The following NRG1 variants were observed in gnomAD, a reference collection of about 807,000 sequenced individuals.
The protein encoded by NRG1 is neuregulin 1.
NRG1 carries 18 observed loss-of-function variants against 63.8 expected under a neutral mutation model. The ratio of observed to expected loss-of-function variants is 0.28; its 90% confidence interval spans 0.19 to 0.42. NRG1 has a LOEUF of 0.42. NRG1 is among the 10% of genes least tolerant of loss of function. The probability of loss-of-function intolerance (pLI) is 1.00; values close to 1 mark genes in which losing one functional copy is unlikely to be tolerated. For synonymous variants in NRG1, 302 were observed against 301.3 expected (o/e 1.00, Z -0.02); for missense variants, 762 against 814.7 (o/e 0.94, Z 0.79).
intron 1 of NRG1, among the ~76,000 whole-genome samples, chr8:31,812,907 A>G (rs955611747): frequency 6.6e-6 from 1 of 152,230 alleles, no homozygotes; most frequent in African/African-American, 2.4e-5. Flanking sequence ...TTGAGAATCA[A>G]TAGAACCACA....
intron 5 of NRG1, among the ~76,000 whole-genome samples, chr8:32,657,585 T>C (rs1211031594): frequency 6.6e-6 from 1 of 152,176 alleles, no homozygotes; most frequent in African/African-American, 2.4e-5. Context: ...CTTTGCTAAG[T>C]AACAGGAAGT....
At chr8:31,940,089 C>A (rs2129620982) in intron 1 of NRG1, among the ~76,000 whole-genome samples, 1 of 152,186 alleles carries the variant, frequency 6.6e-6, no homozygotes, top group African/African-American at 2.4e-5. Flanking sequence ...CCAACAACTG[C>A]AGAGTATACA....
intron 1 of NRG1, among the ~76,000 whole-genome samples, chr8:32,522,915 C>A (rs934649180): frequency 2.6e-5 from 4 of 151,848 alleles, no homozygotes; most frequent in African/African-American, 9.7e-5. Flanking sequence ...AGGTGATCCT[C>A]CCACCTAGCC....
intron 1 of NRG1, among the ~76,000 whole-genome samples, chr8:32,351,458 A>G (rs936968907): frequency 7.2e-5 from 11 of 152,172 alleles, no homozygotes; most frequent in Non-Finnish European, 1.3e-4. Flanking sequence ...CCACTCCACT[A>G]ATGAGCAAGA....
At chr8:32,383,532 A>G (rs1347688657) in intron 1 of NRG1, among the ~76,000 whole-genome samples, 21 of 152,228 alleles carry the variant, frequency 1.4e-4, no homozygotes, top group Non-Finnish European at 1.6e-4. Context: ...TTTAGCATCT[A>G]GAAGTATCTA....
chr8:32,076,379 A>G (rs531999388), intron 1 of NRG1, among the ~76,000 whole-genome samples: 22 of 152,108 alleles, frequency 1.4e-4, no homozygotes, highest in Admixed American at 3.9e-4. Flanking sequence ...AGTGTTTAAT[A>G]CTCCAAAATG....
chr8:32,236,404 T>A (rs1029956531), intron 1 of NRG1, among the ~76,000 whole-genome samples: 1 of 152,166 alleles, frequency 6.6e-6, no homozygotes, highest in Non-Finnish European at 1.5e-5. Flanking sequence ...TCTAGAAACG[T>A]GAAAAATAAC....
At chr8:31,785,130 T>C (rs1820052219) in intron 1 of NRG1, among the ~76,000 whole-genome samples, 1 of 152,106 alleles carries the variant, frequency 6.6e-6, no homozygotes, top group Admixed American at 6.6e-5. Flanking sequence ...GGAGGTGATG[T>C]GGTGAATTTT....
chr8:32,206,509 C>T (rs529383910), intron 1 of NRG1, among the ~76,000 whole-genome samples: 2 of 152,302 alleles, frequency 1.3e-5, no homozygotes, highest in African/African-American at 4.8e-5. Context: ...CAATAGCTTA[C>T]GAAGACTGAA....
intron 1 of NRG1, among the ~76,000 whole-genome samples, chr8:32,266,613 C>CA (rs1850965159): frequency 6.6e-6 from 1 of 151,812 alleles, no homozygotes; most frequent in Non-Finnish European, 1.5e-5. Flanking sequence ...CTAAGAGGTA[C>CA]AAAAAATAAT....
intron 1 of NRG1, among the ~76,000 whole-genome samples, chr8:31,704,041 T>G (rs1057420983): frequency 1.3e-5 from 2 of 152,210 alleles, no homozygotes; most frequent in African/African-American, 4.8e-5. Context: ...TTCCTAATTG[T>G]TACTTCTTGG....
intron 1 of NRG1, among the ~76,000 whole-genome samples, chr8:31,897,539 A>G (rs1831674624): frequency 6.6e-6 from 1 of 152,188 alleles, no homozygotes; most frequent in Non-Finnish European, 1.5e-5. Flanking sequence ...TTCCTGATCC[A>G]GAAGAAAATC....
chr8:32,523,421 T>C (rs1359709535), intron 1 of NRG1, among the ~76,000 whole-genome samples: 2 of 152,244 alleles, frequency 1.3e-5, no homozygotes, highest in African/African-American at 4.8e-5. Context: ...TTATTTATAT[T>C]ACTATTTAAT....
chr8:31,691,774 A>T (rs1475302500), intron 1 of NRG1, among the ~76,000 whole-genome samples: 1 of 151,802 alleles, frequency 6.6e-6, no homozygotes, highest in Non-Finnish European at 1.5e-5. Flanking sequence ...AAAAGTATGT[A>T]AAAAAATCCC....
At chr8:32,040,167 C>G (rs561268192) in intron 1 of NRG1, among the ~76,000 whole-genome samples, 1 of 152,134 alleles carries the variant, frequency 6.6e-6, no homozygotes, top group Non-Finnish European at 1.5e-5. Context: ...TAAAGAATTT[C>G]TATCATCATT....
chr8:32,453,320 G>T (rs1240272626), intron 1 of NRG1, among the ~76,000 whole-genome samples: 1 of 152,194 alleles, frequency 6.6e-6, no homozygotes, highest in South Asian at 2.1e-4. Context: ...GACAATCTAC[G>T]TATCAGAGCC....
rs143496121 is a variant in NRG1, at chr8:32,687,525, G to A, written c.503-40424G>A. Reference sequence around the variant, plus strand: ...GAGGAGGAAGCACCATTAGGGAGGTGATCCATTGCCAGTGGAAAGCCAGAA... The same window carrying A: ...GAGGAGGAAGCACCATTAGGGAGGTAATCCATTGCCAGTGGAAAGCCAGAA... On this transcript the variant is annotated intron_variant, in intron 5 of 11. Transcript: ENST00000356819. Among the ~76,000 whole-genome samples the A allele has an allele frequency of 1.4e-3, 207 of 152,274 alleles. 1 individual carries two copies. The highest frequency in any genetic ancestry group is 4.7e-3 in the African/African-American group (197 of 41,564).
intron 1 of NRG1, among the ~76,000 whole-genome samples, chr8:32,009,887 T>G (rs1814456575): frequency 8.7e-6 from 1 of 114,520 alleles, no homozygotes; most frequent in Non-Finnish European, 1.8e-5. Flanking sequence ...AGCCCTCCCA[T>G]CCCTCCCATC....
At chr8:32,448,910 G>A (rs1213908742) in intron 1 of NRG1, among the ~76,000 whole-genome samples, 1 of 152,182 alleles carries the variant, frequency 6.6e-6, no homozygotes, top group African/African-American at 2.4e-5. Flanking sequence ...GTGTGTGTGT[G>A]TGTTTAGGAA....
Sources: gnomAD v4.1 joint callset for allele counts (sites outside exome capture counted in the v4.1 genomes callset) on GRCh38, gnomAD v4.1.1 for gene constraint, MANE v1.5 for transcripts, NCBI Gene and HGNC (gene_info 2026-07-23, HGNC 2026-07-21) for gene names.